DNAH17: variants seen among roughly 807,000 people sequenced by gnomAD.
DNAH17 encodes axonemal beta dynein heavy chain 17.
A neutral mutation model predicts 485.6 loss-of-function variants in DNAH17; 376 were observed. That is an observed-to-expected ratio of 0.77 (90% CI 0.71 to 0.84). DNAH17 has a LOEUF of 0.84. Ranked by LOEUF, DNAH17 falls within the 40% of genes least tolerant of loss-of-function variation. The probability of loss-of-function intolerance (pLI) is 0.00; values close to 1 mark genes in which losing one functional copy is unlikely to be tolerated. For synonymous variants in DNAH17, 3,031 were observed against 2,405.9 expected, an observed-to-expected ratio of 1.26 and a Z score of -7.60; for missense variants, 6,370 against 5,839.3, an observed-to-expected ratio of 1.09 and a Z score of -2.96.
chr17:78,537,544 G>T, intron 18 of DNAH17, 63 bp from the exon 19 acceptor site: 1 of 1,541,656 alleles, frequency 6.5e-7, no homozygotes, highest in Non-Finnish European at 8.9e-7. Flanking sequence ...GATTCTCAGT[G>T]CCCTGATCAT....
chr17:78,504,671 G>A (rs2090426688), intron 31 of DNAH17, among the ~76,000 whole-genome samples: 1 of 152,132 alleles, frequency 6.6e-6, no homozygotes, highest in Non-Finnish European at 1.5e-5. Context: ...AGACAGGGGA[G>A]GGGGCAGCCC....
In DNAH17 at chr17:78,562,463, G is replaced by A. The variant is rs1157730868; in HGVS notation, c.1570-483C>T. 4.6e-5 allele frequency among the ~76,000 whole-genome samples: 7 copies of A among 151,978 alleles called. 1 individual carries two copies. The South Asian group carries it at 6.2e-4, about 14-fold the overall frequency. On this transcript the variant is annotated intron_variant, in intron 11 of 80. Coordinates refer to ENST00000389840, the MANE Select transcript of DNAH17 (RefSeq NM_173628.4). ...AATACAAAGAATACATGAAACTAGCGGGGTCCAGTTTTTGTATTCTTTTGG... is the reference window on the plus strand; with the variant it reads ...AATACAAAGAATACATGAAACTAGCAGGGTCCAGTTTTTGTATTCTTTTGG...
chr17:78,536,780 C>G (rs75677077), intron 19 of DNAH17, among the ~76,000 whole-genome samples: 24,440 of 151,958 alleles, frequency 0.16, 2,103 homozygotes, highest in East Asian at 0.3. Flanking sequence ...GAATGAAACC[C>G]AGGCAGGTTG....
intron 15 of DNAH17, 146 bp downstream of exon 15, chr17:78,552,551 T>C (rs2091926929): frequency 2.3e-6 from 1 of 429,760 alleles, no homozygotes; most frequent in Non-Finnish European, 4.1e-6. Context: ...CAGGTGGAAG[T>C]AACTATCCTT....
rs756875202 is a variant in DNAH17, at chr17:78,515,008, G to A, written c.3879C>T (p.Ile1293=). ...WDMVVVVNTS[I]EDWKTTKWKD... is the part of the protein sequence containing the mutation. The stretch of plus-strand genomic sequence containing the variant: ...TCCACTTGGTGGTCTTCCAGTCCTC[G>A]ATGCTGGTATTTACCTGAAACGAAA... The change falls in exon 26 of 81, where the codon ATC becomes ATT. Residue 1293 remains isoleucine, a synonymous_variant. Coordinates refer to ENST00000389840, the MANE Select transcript of DNAH17 (RefSeq NM_173628.4). 5.0e-6 allele frequency: 8 copies of A among 1,613,852 alleles called. No homozygotes were observed. The Admixed American group carries it at 6.7e-5, about 13-fold the overall frequency.
At chr17:78,510,668 A>G in intron 26 of DNAH17, 162 bp from the exon 27 acceptor site, 1 of 877,492 alleles carries the variant, frequency 1.1e-6, no homozygotes, top group Non-Finnish European at 1.7e-6. Context: ...CTGAGACTTG[A>G]GGAAGTGACT....
rs5822246 is a variant in DNAH17 at position 78,510,751 on chromosome 17, G to GCGCC, written c.4114-246_4114-245insGGCG. ...CGCACCTGCACTGGGCGGAATTGCG[G>GCGCC]CCCCCCCGCAAAATTCACATCCGCC... On this transcript the variant is annotated intron_variant, in intron 26 of 80. Coordinates refer to ENST00000389840, the MANE Select transcript of DNAH17 (RefSeq NM_173628.4). The GCGCC allele has an allele frequency of 5.1e-3, 1,919 of 378,376 alleles. 29 individuals carry two copies. Among genetic ancestry groups the GCGCC allele is most frequent in the African/African-American group, 0.035 (1,587 of 45,008 alleles). 23.4% of individuals were successfully genotyped at this position (378,376 alleles called of 1,614,324 possible). A position where few individuals can be genotyped will look rare whatever the true frequency, so the allele number is the denominator to read the frequency against.
At chr17:78,501,568 G>T in intron 34 of DNAH17, 174 bp downstream of exon 34, 1 of 1,023,872 alleles carries the variant, frequency 9.8e-7, no homozygotes, top group Non-Finnish European at 1.4e-6. Flanking sequence ...TGACTGCTGT[G>T]TGTTGCTCAC....
chr17:78,505,504 G>C lies in DNAH17; in HGVS notation c.4804-59C>G, dbSNP rs1003606181. 5 of 1,608,112 alleles carry C rather than the reference G, an allele frequency of 3.1e-6. No homozygotes were observed. In the African/African-American group the frequency reaches 4.0e-5, roughly 13 times the overall value. ...GGGGGATTTGAAAGGCATGTGCGTGGCTTGGGCTTTCCGTGGGTGGTTTTA... is the reference window on the plus strand; with the variant it reads ...GGGGGATTTGAAAGGCATGTGCGTGCCTTGGGCTTTCCGTGGGTGGTTTTA... On this transcript the variant is annotated intron_variant, in intron 30 of 80. Transcript: ENST00000389840.
At position 78,479,641 on chromosome 17, in the gene DNAH17, A is replaced by T. The variant is rs768539438; in HGVS notation, c.7753-9T>A. The T allele has an allele frequency of 6.2e-7, 1 of 1,612,112 alleles. No individual in the cohort carries two copies. The highest frequency in any genetic ancestry group is 2.2e-5 in the East Asian group (1 of 44,868). On this transcript the variant is annotated splice_polypyrimidine_tract_variant and intron_variant, in intron 49 of 80. Coordinates refer to ENST00000389840, the MANE Select transcript of DNAH17 (RefSeq NM_173628.4). ...AACACGCAGAAATGGCGCTACCCCAAAACAACCAAACACTCCAGTCAGCCA... is the reference window on the plus strand; with the variant it reads ...AACACGCAGAAATGGCGCTACCCCATAACAACCAAACACTCCAGTCAGCCA...
rs746974436 is a variant in DNAH17, at chr17:78,475,436, T to C, written c.8353A>G (p.Arg2785Gly). Residue 2785 changes from arginine (R) to glycine (G), a missense_variant, in exon 54 of 81, where the codon AGG becomes GGG. Transcript: ENST00000389840. ...GGAGACTCCAGGATGCGATTAATCC[T>C]GCAGATGTGAGCCACGGCGTCCTCA... ...LFEDAVAHICRINRILESPRG... is the reference protein window; with the variant it reads ...LFEDAVAHICGINRILESPRG... 1 of 1,613,862 alleles carries C rather than the reference T, an allele frequency of 6.2e-7. No homozygotes were observed. The highest frequency in any genetic ancestry group is 2.2e-5 in the East Asian group (1 of 44,882).
intron 26 of DNAH17, among the ~76,000 whole-genome samples, chr17:78,512,940 CAAAAAAAAAA>C (rs57734613): frequency 1.2e-5 from 1 of 83,308 alleles, no homozygotes; most frequent in East Asian, 3.6e-4. Context: ...GACTCTAACT[CAAAAAAAAAA>C]AAAAAAAAAA....
intron 14 of DNAH17, among the ~76,000 whole-genome samples, chr17:78,554,436 CAAAAAAAAAAAAAAAAAAAA>C (rs55701739): frequency 3.7e-4 from 12 of 32,268 alleles, no homozygotes; most frequent in Admixed American, 1.3e-3. Context: ...GACTCTGTCT[CAAAAAAAAAAAAAAAAAAAA>C]AAAAAAAAAA....
chr17:78,510,751 G>GCCGC (rs1555679579), intron 26 of DNAH17: 3 of 367,298 alleles, frequency 8.2e-6, no homozygotes, highest in African/African-American at 6.7e-5. Flanking sequence ...CGGAATTGCG[G>GCCGC]CCCCCCCGCA....
chr17:78,483,999 G>A (rs2089467131), intron 48 of DNAH17, among the ~76,000 whole-genome samples: 1 of 146,404 alleles, frequency 6.8e-6, no homozygotes, highest in South Asian at 2.2e-4. Flanking sequence ...AGGAGGCTGA[G>A]GAAGGAGAAT....
intron 17 of DNAH17, 115 bp downstream of exon 17, chr17:78,543,742 G>A (rs551468620): frequency 4.9e-4 from 734 of 1,495,242 alleles, no homozygotes; most frequent in Non-Finnish European, 6.4e-4. Context: ...AGACTTCTAT[G>A]ACTACAAGAA....
At position 78,484,943 on chromosome 17, in the gene DNAH17, T is replaced by C. The variant is rs912861308; in HGVS notation, c.7574A>G (p.Asn2525Ser). Residue 2525 changes from asparagine to serine, a missense_variant, in exon 48 of 81, where the codon AAC (asparagine) becomes AGC (serine). By Grantham distance (46) the Asn-to-Ser change is conservative. Coordinates refer to ENST00000389840, the MANE Select transcript of DNAH17 (RefSeq NM_173628.4). ...CCCATACTTGTCCACCTCGGGCATG[T>C]TCATGTCGTCGATGAAGTAGACGAG... ...KKLVYFIDDMNMPEVDKYGTV... is the reference protein window; with the variant it reads ...KKLVYFIDDMSMPEVDKYGTV... 5 of 1,611,602 alleles carry C rather than the reference T, an allele frequency of 3.1e-6. No individual in the cohort carries two copies. Among genetic ancestry groups the C allele is most frequent in the Non-Finnish European group, 4.2e-6 (5 of 1,178,824 alleles).
At chr17:78,528,919 G>A (rs1165684210) in intron 22 of DNAH17, among the ~76,000 whole-genome samples, 1 of 151,496 alleles carries the variant, frequency 6.6e-6, no homozygotes, top group Admixed American at 6.6e-5. Context: ...CAGACACTCA[G>A]GAGGAGACAT....
Position 78,437,811 on chromosome 17 carries a change from T to G in DNAH17, c.11863A>C (p.Ser3955Arg). The G allele has an allele frequency of 6.2e-7, 1 of 1,612,430 alleles. No individual in the cohort carries two copies. The change falls in exon 74 of 81, where the codon AGC (serine) becomes CGC (arginine). Residue 3955 changes from serine to arginine, a missense_variant. Ser to Arg is a moderately radical substitution (Grantham distance 110, BLOSUM62 -1). Transcript: ENST00000389840. The part of the protein sequence containing the change: ...GTLDKKLEHY[S>R]TGSHEDYRVF... Reference sequence around the variant, plus strand: ...CGGTAGTCCTCATGGCTGCCCGTGCTGTAGTGCTCCAGCTTCTTGTCCAGT... The same window carrying G: ...CGGTAGTCCTCATGGCTGCCCGTGCGGTAGTGCTCCAGCTTCTTGTCCAGT...
Sources: allele counts gnomAD v4.1 joint callset (sites outside exome capture counted in the v4.1 genomes callset), GRCh38; gene constraint gnomAD v4.1.1; transcripts MANE v1.5; gene names NCBI Gene and HGNC (gene_info 2026-07-23, HGNC 2026-07-21).